NPC1L1: variants seen among roughly 807,000 people sequenced by gnomAD.
NPC1L1 encodes NPC1 like intracellular cholesterol transporter 1, also known as NPC1-like intracellular cholesterol transporter 1.
NPC1L1 carries 98 observed loss-of-function variants against 117.0 expected under a neutral mutation model. That is an observed-to-expected ratio of 0.84 (90% CI 0.71 to 0.99). The LOEUF is 0.99. Among genes scored for constraint, NPC1L1 ranks in the 50% least tolerant of loss-of-function variants. The pLI, the probability that NPC1L1 is intolerant of heterozygous loss-of-function variation, is 0.00. For synonymous variants in NPC1L1, 729 were observed against 727.6 expected (o/e 1.00, Z -0.03); for missense variants, 1,540 against 1,710.0 (o/e 0.90, Z 1.75).
chr7:44,539,836 G>A lies in NPC1L1; in HGVS notation c.561C>T (p.Thr187=), dbSNP rs759176395. 6.2e-7 allele frequency: 1 copy of A among 1,614,134 alleles called. No homozygotes were observed. The highest frequency in any genetic ancestry group is 8.5e-7 in the Non-Finnish European group (1 of 1,180,034). Residue 187 remains threonine (T), a synonymous_variant, in exon 2 of 19, where the codon ACC becomes ACT. Coordinates refer to ENST00000381160, the MANE Select transcript of NPC1L1 (RefSeq NM_001101648.2). The surrounding 1 kb of genome is among the most constrained non-coding windows in gnomAD (Gnocchi z 4.4). The part of the protein sequence containing the change: ...VPAAATLAVG[T]MCGVYGSALC... The stretch of plus-strand genomic sequence containing the variant: ...GGGCAGAGCCATACACGCCACACAT[G>A]GTGCCCACAGCCAGCGTGGCAGCTG...
At position 44,538,694 on chromosome 7, in the gene NPC1L1, C is replaced by A; in HGVS notation, c.1580+123G>T. The stretch of plus-strand genomic sequence containing the variant: ...CATCTGGGCGGCCCCAGGCCAGAGC[C>A]GTAGGAATAGCTACCTCTGGTCCTT... On this transcript the variant is annotated intron_variant, in intron 2 of 18. Transcript: ENST00000381160. This position sits in a 1 kb window ranked among gnomAD's most constrained non-coding sequence, Gnocchi z 5.9. 2 of 994,248 alleles carry A rather than the reference C, an allele frequency of 2.0e-6. No individual in the cohort carries two copies. The highest frequency in any genetic ancestry group is 3.2e-6 in the Non-Finnish European group (2 of 631,588). The allele number at this position is 994,248 out of a possible 1,614,324, so 61.6% of individuals were successfully genotyped here.
At chr7:44,518,808 G>A (rs1379067883) in intron 14 of NPC1L1, 9 of 922,574 alleles carry the variant, frequency 9.8e-6, no homozygotes, top group Middle Eastern at 5.1e-4. Flanking sequence ...CAGGGGAGGT[G>A]CCTGGAGAAC....
rs903106524 is a variant in NPC1L1 at position 44,512,569 on chromosome 7, G to T, written c.*878C>A. ...ACAAATGTTTATTAAACACCTATGT[G>T]CACAGCACAGAGCCAGGATCTTCAT... On this transcript the variant is annotated 3_prime_UTR_variant, in exon 19 of 19. Coordinates refer to ENST00000381160, the MANE Select transcript of NPC1L1 (RefSeq NM_001101648.2). The T allele has an allele frequency of 2.0e-5, 3 of 152,258 alleles. No individual in the cohort carries two copies. The East Asian group carries it at 5.8e-4, about 29-fold the overall frequency. The allele number at this position is 152,258 out of a possible 1,614,324, so 9.4% of individuals were successfully genotyped here.
rs375614485 is a variant in NPC1L1, at chr7:44,541,254, C to T, written c.6G>A (p.Ala2=). 2,701 of 1,549,882 alleles carry T rather than the reference C, an allele frequency of 1.7e-3. 4 individuals are homozygous for T. Among genetic ancestry groups the T allele is most frequent in the Non-Finnish European group, 2.2e-3 (2,534 of 1,146,758 alleles). Residue 2 remains alanine, a synonymous_variant, in exon 1 of 19, where the codon GCG becomes GCA. Coordinates refer to ENST00000381160, the MANE Select transcript of NPC1L1 (RefSeq NM_001101648.2). ...GCAGCCAGCCCCTCAGGCCGGCCTC[C>T]GCCATCCCAGGTCTGGGAAGGGGTC... The part of the protein sequence containing the change: M[A]EAGLRGWLLW...
Position 44,533,187 on chromosome 7 carries a change from G to C in NPC1L1, c.2409+244C>G, listed in dbSNP as rs968480541. 3.5e-5 allele frequency: 15 copies of C among 429,408 alleles called. No homozygotes were observed. In the Admixed American group the frequency reaches 5.3e-4, roughly 15 times the overall value. 26.6% of individuals were successfully genotyped at this position (429,408 alleles called of 1,614,324 possible). A position where few individuals can be genotyped will look rare whatever the true frequency, so the allele number is the denominator to read the frequency against. ...TCTCCACATTGTTCAAGGGTCAACTGTATTTTATTTCTCAACATCATGCAC... is the reference window on the plus strand; with the variant it reads ...TCTCCACATTGTTCAAGGGTCAACTCTATTTTATTTCTCAACATCATGCAC... On this transcript the variant is annotated intron_variant, in intron 8 of 18. Transcript: ENST00000381160.
chr7:44,535,558 CAG>C (rs1801855698), intron 5 of NPC1L1, among the ~76,000 whole-genome samples: 1 of 142,952 alleles, frequency 7.0e-6, no homozygotes, highest in South Asian at 2.2e-4. Context: ...AAAAGAGAAA[CAG>C]AGAGAGAAAG....
chr7:44,517,021 G>A (rs1442067344), intron 15 of NPC1L1, 87 bp from the exon 16 acceptor site: 15 of 1,462,926 alleles, frequency 1.0e-5, no homozygotes, highest in Non-Finnish European at 1.4e-5. Flanking sequence ...GGAGAATGCT[G>A]AGGGTCAGGC....
At chr7:44,520,337 T>C (rs1036546668) in intron 14 of NPC1L1, among the ~76,000 whole-genome samples, 13 of 152,146 alleles carry the variant, frequency 8.5e-5, no homozygotes, top group Non-Finnish European at 1.0e-4. Flanking sequence ...AACTCCTGGA[T>C]TCAAGAGATC....
At chr7:44,532,977 G>A (rs1277839326) in intron 8 of NPC1L1, among the ~76,000 whole-genome samples, 1 of 152,080 alleles carries the variant, frequency 6.6e-6, no homozygotes, top group East Asian at 1.9e-4. Context: ...GCAGGAGGAG[G>A]GGGCCTGTAA....
intron 15 of NPC1L1, 46 bp downstream of exon 15, chr7:44,517,161 G>A (rs370078372): frequency 6.2e-6 from 10 of 1,612,910 alleles, no homozygotes; most frequent in South Asian, 1.1e-5. Context: ...CCAGTCTCCA[G>A]CAACCATACC....
intron 10 of NPC1L1, among the ~76,000 whole-genome samples, chr7:44,525,851 G>A (rs953481646): frequency 6.6e-6 from 1 of 152,236 alleles, no homozygotes; most frequent in African/African-American, 2.4e-5. Context: ...AGCCCAGATG[G>A]CAGTGGGTTT....
chr7:44,537,570 C>G (rs115200773), intron 2 of NPC1L1, among the ~76,000 whole-genome samples: 1 of 152,278 alleles, frequency 6.6e-6, no homozygotes, highest in African/African-American at 2.4e-5. Context: ...CCCGTCATTG[C>G]GAAGATGCAG....
At chr7:44,525,291 C>T (rs1174271293) in intron 10 of NPC1L1, among the ~76,000 whole-genome samples, 2 of 151,974 alleles carry the variant, frequency 1.3e-5, no homozygotes, top group African/African-American at 2.4e-5. Context: ...TGGAGTCTTG[C>T]TCTGTTGCCA....
Position 44,539,320 on chromosome 7 carries a change from A to G in NPC1L1, c.1077T>C (p.Ser359=). 6.2e-7 allele frequency: 1 copy of G among 1,614,040 alleles called. No individual in the cohort carries two copies. The highest frequency in any genetic ancestry group is 8.5e-7 in the Non-Finnish European group (1 of 1,179,974). ...CTGCCAAGGCCACCACCGGGATGAC[A>G]GATAGCACCAAGATGGTCAGAGGCC... The part of the protein sequence containing the change: ...ASWPLTILVL[S]VIPVVALAAG... Residue 359 remains serine, a synonymous_variant, in exon 2 of 19, where the codon TCT becomes TCC. Transcript: ENST00000381160. This position sits in a 1 kb window ranked among gnomAD's most constrained non-coding sequence, Gnocchi z 4.4.
intron 10 of NPC1L1, 68 bp downstream of exon 10, chr7:44,531,687 C>A: frequency 7.1e-7 from 1 of 1,405,984 alleles, no homozygotes; most frequent in Non-Finnish European, 9.8e-7. Context: ...CCCAACCCAT[C>A]CCTGCTGGTT....
chr7:44,526,156 ACT>A (rs1189903074), intron 10 of NPC1L1, among the ~76,000 whole-genome samples: 4 of 151,874 alleles, frequency 2.6e-5, no homozygotes, highest in Non-Finnish European at 5.9e-5. Context: ...ACAGAGTGAG[ACT>A]CTGTCTCAAA....
At chr7:44,519,264 C>T (rs1316258073) in intron 14 of NPC1L1, among the ~76,000 whole-genome samples, 2 of 152,146 alleles carry the variant, frequency 1.3e-5, no homozygotes, top group African/African-American at 4.8e-5. Flanking sequence ...TTGGGAAGTG[C>T]TGCTCTAGAC....
intron 10 of NPC1L1, among the ~76,000 whole-genome samples, chr7:44,525,747 A>T (rs1333557781): frequency 1.3e-5 from 2 of 152,198 alleles, no homozygotes; most frequent in Non-Finnish European, 1.5e-5. Flanking sequence ...TAAGTTTTTT[A>T]AAAAATAGAA....
At chr7:44,537,238 G>A (rs554534343) in intron 2 of NPC1L1, among the ~76,000 whole-genome samples, 157 of 152,328 alleles carry the variant, frequency 1.0e-3, no homozygotes, top group Middle Eastern at 6.8e-3. Flanking sequence ...GGGCTGCTCC[G>A]GGACCTGTCC....
Sources: allele counts gnomAD v4.1 joint callset (sites outside exome capture counted in the v4.1 genomes callset), GRCh38; gene constraint gnomAD v4.1.1; non-coding constraint Gnocchi (gnomAD v3.1); transcripts MANE v1.5; gene names NCBI Gene and HGNC (gene_info 2026-07-23, HGNC 2026-07-21).